The following NAMPT variants were observed in gnomAD, a reference collection of about 807,000 sequenced individuals.
NAMPT encodes the protein nicotinamide phosphoribosyltransferase.
A neutral mutation model predicts 58.7 loss-of-function variants in NAMPT; 7 were observed. The ratio of observed to expected loss-of-function variants is 0.12; its 90% CI spans 0.07 to 0.22. The LOEUF is 0.22. Ranked by LOEUF, NAMPT falls within the 10% of genes least tolerant of loss-of-function variation. NAMPT has a pLI of 1.00. For synonymous variants in NAMPT, 145 were observed against 198.1 expected (o/e 0.73, Z 2.25); for missense variants, 271 against 567.9 (o/e 0.48, Z 5.31).
Position 106,269,206 on chromosome 7 carries a change from C to G in NAMPT, c.554G>C (p.Gly185Ala). ...AAAATCATGTAACTTGTATTCCAGA[C>G]CATCTAAGTTACCAGAAGTTTCTAA... Reference protein sequence around the residue: ...YLLETSGNLDGLEYKLHDFGY... With the variant: ...YLLETSGNLDALEYKLHDFGY... Residue 185 changes from glycine (G) to alanine (A), a missense_variant, in exon 5 of 11, where the codon GGT becomes GCT. Gly to Ala is a moderately conservative substitution (Grantham distance 60). Coordinates refer to ENST00000222553, the MANE Select transcript of NAMPT (RefSeq NM_005746.3). The G allele has an allele frequency of 6.2e-7, 1 of 1,613,478 alleles. No homozygotes were observed.
chr7:106,263,644 T>G (rs372876339), intron 6 of NAMPT, 27 bp from the exon 7 acceptor site: 3 of 1,545,042 alleles, frequency 1.9e-6, no homozygotes, highest in African/African-American at 2.7e-5. Flanking sequence ...AAACACAGAT[T>G]TACTTAGGCA....
intron 1 of NAMPT, 145 bp from the exon 2 acceptor site, chr7:106,277,324 T>C: frequency 1.5e-6 from 1 of 668,400 alleles, no homozygotes; most frequent in East Asian, 2.8e-5. Flanking sequence ...CTATACCAAA[T>C]AAAAAATAAG....
chr7:106,248,688 T>G lies in NAMPT; in HGVS notation c.*2395A>C, dbSNP rs1792058736. On this transcript the variant is annotated 3_prime_UTR_variant, in exon 11 of 11. Coordinates refer to ENST00000222553, the MANE Select transcript of NAMPT (RefSeq NM_005746.3). The stretch of plus-strand genomic sequence containing the variant: ...GATGATATAATCAATCAAGAGGGAT[T>G]AATTAATGTCAGTTGAAAATCTAAT... The G allele has an allele frequency of 6.6e-6, 1 of 152,098 alleles. No individual in the cohort carries two copies. The highest frequency in any genetic ancestry group is 2.4e-5 in the African/African-American group (1 of 41,440). The allele number at this position is 152,098 out of a possible 1,614,324, so 9.4% of individuals were successfully genotyped here.
At chr7:106,256,036 G>A (rs1044958055) in intron 8 of NAMPT, among the ~76,000 whole-genome samples, 1 of 152,146 alleles carries the variant, frequency 6.6e-6, no homozygotes, top group African/African-American at 2.4e-5. Context: ...AGACAATTTG[G>A]AGTTAAAGTG....
intron 2 of NAMPT, chr7:106,276,319 TG>T (rs1290493921): frequency 1.3e-5 from 2 of 152,090 alleles, no homozygotes; most frequent in Non-Finnish European, 2.9e-5. Flanking sequence ...GCACAGAAAT[TG>T]GGGGATTTTT....
intron 1 of NAMPT, among the ~76,000 whole-genome samples, chr7:106,281,555 G>A (rs756009344): frequency 2.6e-5 from 4 of 152,130 alleles, no homozygotes; most frequent in Admixed American, 2.0e-4. Context: ...ATCAGAAGAG[G>A]ATACACTCTG....
At chr7:106,275,084 A>C in intron 2 of NAMPT, 35 bp from the exon 3 acceptor site, 1 of 1,352,498 alleles carries the variant, frequency 7.4e-7, no homozygotes, top group Non-Finnish European at 1.1e-6. Flanking sequence ...TACATTTCTA[A>C]AGGTGCATTC....
At chr7:106,263,047 C>CA in intron 7 of NAMPT, 1 of 271,204 alleles carries the variant, frequency 3.7e-6, no homozygotes, top group Non-Finnish European at 7.0e-6. Context: ...AAAGGTCTAG[C>CA]AGTGACTTAT....
At chr7:106,258,092 T>C (rs1792239861) in intron 8 of NAMPT, among the ~76,000 whole-genome samples, 1 of 152,200 alleles carries the variant, frequency 6.6e-6, no homozygotes, top group Admixed American at 6.5e-5. Flanking sequence ...TCTATTTCTT[T>C]TTTCCTTTCC....
chr7:106,283,167 G>A (rs997296652), intron 1 of NAMPT, among the ~76,000 whole-genome samples: 1 of 151,944 alleles, frequency 6.6e-6, no homozygotes, highest in Non-Finnish European at 1.5e-5. Flanking sequence ...TATTATAAAG[G>A]ATATAAAACA....
At chr7:106,255,817 CAA>C (rs1216891651) in intron 8 of NAMPT, among the ~76,000 whole-genome samples, 1 of 151,858 alleles carries the variant, frequency 6.6e-6, no homozygotes, top group Non-Finnish European at 1.5e-5. Flanking sequence ...AGAAGAAATG[CAA>C]AGAGTAGAAC....
At chr7:106,285,508 C>G (rs1376087548), upstream of NAMPT, 5 of 982,682 alleles carry the variant, frequency 5.1e-6, no homozygotes, top group Admixed American at 2.5e-4. Flanking sequence ...CTCCTACTGC[C>G]CATCTTCCCG....
Position 106,248,519 on chromosome 7 carries a change from T to C in NAMPT, c.*2564A>G, listed in dbSNP as rs762055865. Reference sequence around the variant, plus strand: ...CATTTTTCTTTCTAATTTTCCAAGATAGATTTCATTATAAAAATTGTTTGA... The same window carrying C: ...CATTTTTCTTTCTAATTTTCCAAGACAGATTTCATTATAAAAATTGTTTGA... On this transcript the variant is annotated 3_prime_UTR_variant, in exon 11 of 11. Coordinates refer to ENST00000222553, the MANE Select transcript of NAMPT (RefSeq NM_005746.3). The C allele has an allele frequency of 1.3e-5, 2 of 152,342 alleles. No individual in the cohort carries two copies. Among genetic ancestry groups the C allele is most frequent in the African/African-American group, 2.4e-5 (1 of 41,406 alleles). 9.4% of individuals were successfully genotyped at this position (152,342 alleles called of 1,614,324 possible).
At chr7:106,261,539 CTT>C (rs1366507333) in intron 8 of NAMPT, 47 bp downstream of exon 8, 8 of 1,381,030 alleles carry the variant, frequency 5.8e-6, no homozygotes, top group Admixed American at 2.0e-5. Context: ...CATAAACAAA[CTT>C]AATTATAAGA....
At chr7:106,280,812 G>A (rs1792747571) in intron 1 of NAMPT, among the ~76,000 whole-genome samples, 2 of 151,746 alleles carry the variant, frequency 1.3e-5, no homozygotes, top group African/African-American at 4.8e-5. Flanking sequence ...GTGGTGGCAC[G>A]CGCCTGTAGT....
upstream of NAMPT, chr7:106,285,019 GA>G (rs1792844851): frequency 7.0e-7 from 1 of 1,435,382 alleles, no homozygotes; most frequent in South Asian, 1.4e-5. Flanking sequence ...GGGGGAAACG[GA>G]GAGAGGGGAG....
rs867958566 is a variant in NAMPT, at chr7:106,267,856, A to C, written c.743+608T>G. 5.1e-3 allele frequency among the ~76,000 whole-genome samples: 617 copies of C among 121,060 alleles called. 19 individuals are homozygous for C. Among genetic ancestry groups the C allele is most frequent in the African/African-American group, 0.018 (597 of 32,294 alleles). 79.4% of individuals were successfully genotyped at this position (121,060 alleles called of 152,430 possible). A position where few individuals can be genotyped will look rare whatever the true frequency, so the allele number is the denominator to read the frequency against. On this transcript the variant is annotated intron_variant, in intron 6 of 10. Transcript: ENST00000222553. ...ACTCCGTCTCAAAAAAAAAAAAAAA[A>C]AAAAAAAAAAAAAAAAAAAACAACC...
In NAMPT at chr7:106,269,150, T is replaced by A. The variant is rs1261735259; in HGVS notation, c.606+4A>T. The A allele has an allele frequency of 1.9e-6, 3 of 1,608,044 alleles. No individual in the cohort carries two copies. Among genetic ancestry groups the A allele is most frequent in the Non-Finnish European group, 2.5e-6 (3 of 1,177,736 alleles). The stretch of plus-strand genomic sequence containing the variant: ...ATTAAATGAGGTTGGTTTCAGTTAC[T>A]TACCTCTTGGGAAGAGACTCCTCTG... On this transcript the variant is annotated splice_donor_region_variant and intron_variant, in intron 5 of 10. Coordinates refer to ENST00000222553, the MANE Select transcript of NAMPT (RefSeq NM_005746.3).
At chr7:106,273,950 A>C (rs984994893) in intron 3 of NAMPT, among the ~76,000 whole-genome samples, 5 of 151,948 alleles carry the variant, frequency 3.3e-5, no homozygotes, top group African/African-American at 1.2e-4. Context: ...TTCGTTTGTG[A>C]GACTTAAAAG....
Sources: allele counts gnomAD v4.1 joint callset (sites outside exome capture counted in the v4.1 genomes callset), GRCh38; gene constraint gnomAD v4.1.1; transcripts MANE v1.5; gene names NCBI Gene and HGNC (gene_info 2026-07-23, HGNC 2026-07-21).